Variants in LIN9 observed in about 807,000 individuals in gnomAD.
The protein encoded by LIN9 is protein lin-9 homolog.
LIN9 carries 18 observed loss-of-function variants against 78.0 expected under a neutral mutation model. The ratio of observed to expected loss-of-function variants is 0.23; its 90% CI spans 0.16 to 0.34. The LOEUF (loss-of-function observed/expected upper bound fraction) is 0.34, where lower values mean the gene tolerates loss of function less well. Ranked by LOEUF, LIN9 falls within the 10% of genes least tolerant of loss-of-function variation. The pLI, the probability that LIN9 is intolerant of heterozygous loss-of-function variation, is 1.00. For synonymous variants in LIN9, 192 were observed against 215.2 expected (o/e 0.89, Z 0.94); for missense variants, 451 against 644.1 (o/e 0.70, Z 3.25).
intron 10 of LIN9, among the ~76,000 whole-genome samples, chr1:226,252,281 AAAATAAATAAATAAATAAAT>A (rs59130234): frequency 1.4e-5 from 2 of 140,884 alleles, no homozygotes; most frequent in African/African-American, 5.3e-5. Flanking sequence ...ACCCCATCTC[AAAATAAATAAATAAATAAAT>A]AAATAAATAA....
At position 226,277,943 on chromosome 1, in the gene LIN9, T is replaced by G; in HGVS notation, c.525-11A>C. The G allele has an allele frequency of 6.3e-7, 1 of 1,599,352 alleles. No homozygotes were observed. The highest frequency in any genetic ancestry group is 8.5e-7 in the Non-Finnish European group (1 of 1,173,502). ...AATGCAGAAGAACATCTAGAATAAA[T>G]TATAAAAAACATACAAACTGATAAC... On this transcript the variant is annotated splice_polypyrimidine_tract_variant and intron_variant, in intron 6 of 14. Transcript: ENST00000681046.
At chr1:226,246,779 C>A (rs1208372159) in intron 11 of LIN9, among the ~76,000 whole-genome samples, 1 of 118,614 alleles carries the variant, frequency 8.4e-6, no homozygotes, top group African/African-American at 3.4e-5. Context: ...GGTGACAGAG[C>A]GAGACTCTGT....
chr1:226,307,086 A>C (rs1032520460), intron 1 of LIN9, among the ~76,000 whole-genome samples: 1 of 152,222 alleles, frequency 6.6e-6, no homozygotes, highest in Non-Finnish European at 1.5e-5. Context: ...CCTACAAAGA[A>C]CCACAGTAAA....
intron 12 of LIN9, among the ~76,000 whole-genome samples, chr1:226,234,784 C>T (rs1161448496): frequency 1.3e-5 from 2 of 152,052 alleles, no homozygotes; most frequent in Non-Finnish European, 1.5e-5. Flanking sequence ...ACCATGAATT[C>T]ATACTGATTC....
chr1:226,239,276 T>A (rs575161498), intron 11 of LIN9, among the ~76,000 whole-genome samples, 180 bp from the exon 12 acceptor site: 2 of 152,356 alleles, frequency 1.3e-5, no homozygotes, highest in South Asian at 4.1e-4. Flanking sequence ...ATTGTCCTTG[T>A]TTATTGGAGC....
chr1:226,260,628 GTTTT>G lies in LIN9; in HGVS notation c.1038+4901_1038+4904del, dbSNP rs559460640. On this transcript the variant is annotated intron_variant, in intron 10 of 14. Coordinates refer to ENST00000681046, the MANE Select transcript of LIN9 (RefSeq NM_001366245.2). ...AGAATTTAAGATCACGGCCAAATGA[GTTTT>G]TTTTTTTTTTTTTTTTTTTTTTTTT... is the stretch of plus-strand genomic sequence containing the variant. Among the ~76,000 whole-genome samples the G allele has an allele frequency of 2.2e-3, 160 of 73,322 alleles. 12 individuals are homozygous for G. The highest frequency in any genetic ancestry group is 6.4e-3 in the African/African-American group (127 of 19,724). The allele number at this position is 73,322 out of a possible 152,430, so 48.1% of individuals were successfully genotyped here. A position where few individuals can be genotyped will look rare whatever the true frequency, so the allele number is the denominator to read the frequency against.
In LIN9 at chr1:226,239,071, A is replaced by G. The variant is rs1323371470; in HGVS notation, c.1145T>C (p.Ile382Thr). ...KLKSYSMPISIEFQRRYATIV... is the reference protein window; with the variant it reads ...KLKSYSMPISTEFQRRYATIV... ...TGTTGCATATCTCCGCTGAAATTCA[A>G]TGCTGATGGGCATGGAATATGATTT... The change falls in exon 12 of 15, where the codon ATT becomes ACT. Residue 382 changes from isoleucine to threonine, a missense_variant. Ile to Thr is a moderately conservative substitution (Grantham distance 89, BLOSUM62 -1). Transcript: ENST00000681046. 6 of 1,613,824 alleles carry G rather than the reference A, an allele frequency of 3.7e-6. No individual in the cohort carries two copies. Among genetic ancestry groups the G allele is most frequent in the East Asian group, 4.5e-5 (2 of 44,824 alleles).
Position 226,297,669 on chromosome 1 carries a change from G to A in LIN9, c.159+50C>T. ...AGAATTTACACATGACAATAATACA[G>A]ACAACTTAGCTAGAATTATTCTAAA... On this transcript the variant is annotated intron_variant, in intron 3 of 14. Transcript: ENST00000681046. 4 of 1,285,864 alleles carry A rather than the reference G, an allele frequency of 3.1e-6. No homozygotes were observed. In the South Asian group the frequency reaches 6.1e-5, roughly 20 times the overall value. 79.7% of individuals were successfully genotyped at this position (1,285,864 alleles called of 1,614,324 possible). A position where few individuals can be genotyped will look rare whatever the true frequency, so the allele number is the denominator to read the frequency against.
intron 1 of LIN9, among the ~76,000 whole-genome samples, chr1:226,305,234 C>T (rs1314930620): frequency 6.9e-6 from 1 of 144,326 alleles, no homozygotes; most frequent in Non-Finnish European, 1.5e-5. Flanking sequence ...CTTTGGAAGG[C>T]TAAGGCAGGA....
At chr1:226,238,543 C>T (rs1236612478) in intron 12 of LIN9, among the ~76,000 whole-genome samples, 4 of 151,800 alleles carry the variant, frequency 2.6e-5, no homozygotes, top group African/African-American at 4.8e-5. Context: ...TAGCTTGAGC[C>T]TGGGAAGTTG....
At chr1:226,263,349 T>C (rs745652744) in intron 10 of LIN9, among the ~76,000 whole-genome samples, 18 of 151,992 alleles carry the variant, frequency 1.2e-4, no homozygotes, top group East Asian at 1.9e-4. Flanking sequence ...TGGGAGATAA[T>C]AGGGGGAGAC....
chr1:226,305,327 A>AC (rs1315367455), intron 1 of LIN9, among the ~76,000 whole-genome samples: 11 of 149,694 alleles, frequency 7.3e-5, no homozygotes, highest in Admixed American at 7.3e-4. Context: ...AAAAAAAAAA[A>AC]AAAAAAAAAA....
rs1239409290 is a variant in LIN9, at chr1:226,265,823, C to G, written c.937-189G>C. ...CCTCCCGAGCAGCTGGGATTACAGGCGCGCGCCACCACGCCCAGCTAATTT... is the reference window on the plus strand; with the variant it reads ...CCTCCCGAGCAGCTGGGATTACAGGGGCGCGCCACCACGCCCAGCTAATTT... On this transcript the variant is annotated intron_variant, in intron 9 of 14. Coordinates refer to ENST00000681046, the MANE Select transcript of LIN9 (RefSeq NM_001366245.2). This position sits in a 1 kb window ranked among gnomAD's most constrained non-coding sequence, Gnocchi z 4.1. Among the ~76,000 whole-genome samples, 1 of 152,000 alleles carries G rather than the reference C, an allele frequency of 6.6e-6. No individual in the cohort carries two copies. The highest frequency in any genetic ancestry group is 1.5e-5 in the Non-Finnish European group (1 of 68,008).
intron 6 of LIN9, among the ~76,000 whole-genome samples, chr1:226,280,608 C>G (rs1660987226): frequency 6.6e-6 from 1 of 152,114 alleles, no homozygotes; most frequent in Admixed American, 6.6e-5. Flanking sequence ...AAACCCATCT[C>G]TACCAAAAAC....
At chr1:226,308,358 T>TACTGC (rs59715537) in intron 1 of LIN9, among the ~76,000 whole-genome samples, 152,176 of 152,260 alleles carry the variant, frequency 1, 76,046 homozygotes, top group Middle Eastern at 1. Flanking sequence ...TCAGGCAGGG[T>TACTGC]ACACGTACGC....
intron 12 of LIN9, among the ~76,000 whole-genome samples, chr1:226,238,327 A>G (rs945022097): frequency 4.6e-5 from 7 of 152,214 alleles, no homozygotes; most frequent in African/African-American, 1.7e-4. Context: ...CTAAGAAGAA[A>G]TAAAGCAAAA....
chr1:226,268,130 C>T, intron 7 of LIN9, 40 bp from the exon 8 acceptor site: 1 of 1,588,802 alleles, frequency 6.3e-7, no homozygotes, highest in Non-Finnish European at 8.6e-7. Context: ...GTGGGAGATA[C>T]AAAGAATAGT....
chr1:226,274,902 C>T (rs1283351984), intron 7 of LIN9, among the ~76,000 whole-genome samples: 1 of 152,084 alleles, frequency 6.6e-6, no homozygotes, highest in Non-Finnish European at 1.5e-5. Context: ...TTTAAGTTCA[C>T]GAACATGTCT....
intron 11 of LIN9, among the ~76,000 whole-genome samples, chr1:226,246,154 C>T (rs1348866100): frequency 1.3e-5 from 2 of 152,148 alleles, no homozygotes; most frequent in South Asian, 2.1e-4. Context: ...GTTTCTTTTA[C>T]AAACTTCAAG....
Sources: gnomAD v4.1 joint callset for allele counts (sites outside exome capture counted in the v4.1 genomes callset) on GRCh38, gnomAD v4.1.1 for gene constraint, Gnocchi (gnomAD v3.1) non-coding constraint, MANE v1.5 for transcripts, NCBI Gene and HGNC (gene_info 2026-07-23, HGNC 2026-07-21) for gene names.